CNTNAP4: variants seen among roughly 807,000 people sequenced by gnomAD.
CNTNAP4 encodes contactin associated protein family member 4.
CNTNAP4 carries 98 observed loss-of-function variants against 148.4 expected under a neutral mutation model. The ratio of observed to expected loss-of-function variants is 0.66; its 90% CI spans 0.56 to 0.78. CNTNAP4 has a LOEUF of 0.78. Ranked by LOEUF, CNTNAP4 falls within the 30% of genes least tolerant of loss-of-function variation. The pLI, the probability that CNTNAP4 is intolerant of heterozygous loss-of-function variation, is 0.00. For synonymous variants in CNTNAP4, 730 were observed against 565.1 expected (o/e 1.29, Z -4.14); for missense variants, 1,935 against 1,565.6 (o/e 1.24, Z -3.98).
chr16:76,281,522 C>G (rs545440108), intron 1 of CNTNAP4, among the ~76,000 whole-genome samples: 2 of 152,040 alleles, frequency 1.3e-5, no homozygotes, highest in East Asian at 3.9e-4. Context: ...TCACATAATA[C>G]CTGGTGCTTA....
At chr16:76,305,474 C>A (rs560495555) in intron 1 of CNTNAP4, among the ~76,000 whole-genome samples, 1 of 151,870 alleles carries the variant, frequency 6.6e-6, no homozygotes, top group Admixed American at 6.6e-5. Flanking sequence ...TTGAGTGCTA[C>A]GTAATTTATT....
rs557554708 is a variant in CNTNAP4, at chr16:76,284,254, A to G, written c.85+6507A>G. Among the ~76,000 whole-genome samples the G allele has an allele frequency of 2.0e-5, 3 of 152,046 alleles. No homozygotes were observed. The East Asian group carries it at 5.8e-4, about 29-fold the overall frequency. On this transcript the variant is annotated intron_variant, in intron 1 of 23. Transcript: ENST00000611870. ...TATGTTGTGGGTGGTGGTGGCATGC[A>G]AATTCTTATAAAATGTATGGATGAT...
intron 3 of CNTNAP4, among the ~76,000 whole-genome samples, chr16:76,357,962 T>C (rs544598714): frequency 2.0e-5 from 3 of 152,296 alleles, no homozygotes; most frequent in East Asian, 3.9e-4. Context: ...AATAAATGAA[T>C]GGATGTGAGT....
At chr16:76,453,781 C>T (rs2080613355) in intron 8 of CNTNAP4, among the ~76,000 whole-genome samples, 1 of 151,976 alleles carries the variant, frequency 6.6e-6, no homozygotes, top group South Asian at 2.1e-4. Flanking sequence ...TGCTGTACTA[C>T]TATTGTAGTT....
At chr16:76,420,284 T>TTA (rs1232591826) in intron 3 of CNTNAP4, among the ~76,000 whole-genome samples, 2 of 70,452 alleles carry the variant, frequency 2.8e-5, no homozygotes, top group Non-Finnish European at 8.0e-5. Context: ...GAGATAAATA[T>TTA]TAATTTCCCT....
chr16:76,355,289 T>C, intron 2 of CNTNAP4, 29 bp from the exon 3 acceptor site: 1 of 1,475,174 alleles, frequency 6.8e-7, no homozygotes, highest in Non-Finnish European at 9.0e-7. Context: ...CCTTTCTCAA[T>C]TTTCTCCTGT....
chr16:76,550,404 G>T (rs1444329111), intron 21 of CNTNAP4, among the ~76,000 whole-genome samples: 1 of 152,056 alleles, frequency 6.6e-6, no homozygotes, highest in Non-Finnish European at 1.5e-5. Context: ...GCGGTCATTG[G>T]TTTTTGTACA....
At chr16:76,339,690 G>C (rs1017297942) in intron 2 of CNTNAP4, among the ~76,000 whole-genome samples, 1 of 152,170 alleles carries the variant, frequency 6.6e-6, no homozygotes, top group African/African-American at 2.4e-5. Flanking sequence ...AGTTATCTCA[G>C]AATCTATCTA....
intron 1 of CNTNAP4, among the ~76,000 whole-genome samples, chr16:76,301,527 A>G (rs1202008582): frequency 1.3e-5 from 2 of 152,198 alleles, no homozygotes; most frequent in African/African-American, 4.8e-5. Context: ...ACAGTATGTG[A>G]ACTCATGTAT....
chr16:76,477,074 C>T (rs1008778800), intron 11 of CNTNAP4, among the ~76,000 whole-genome samples: 1 of 151,958 alleles, frequency 6.6e-6, no homozygotes, highest in African/African-American at 2.4e-5. Flanking sequence ...ATGCAACTTA[C>T]TTATAAAGAA....
chr16:76,371,443 C>T (rs1483361167), intron 3 of CNTNAP4, among the ~76,000 whole-genome samples: 2 of 152,076 alleles, frequency 1.3e-5, no homozygotes, highest in Middle Eastern at 3.4e-3. Context: ...GTGCCTCCCG[C>T]CTGGCTAATT....
At position 76,560,609 on chromosome 16, in the gene CNTNAP4, G is replaced by A. The variant is rs1224699942; in HGVS notation, c.*1926G>A. 3.3e-5 allele frequency among the ~76,000 whole-genome samples: 5 copies of A among 152,164 alleles called. No homozygotes were observed. Among genetic ancestry groups the A allele is most frequent in the Non-Finnish European group, 7.3e-5 (5 of 68,028 alleles). The stretch of plus-strand genomic sequence containing the variant: ...AGCTGAACTCTAGGGAGGTTTATTG[G>A]TGAAGCCTCACAGTCCTCTGTGGTC... On this transcript the variant is annotated 3_prime_UTR_variant, in exon 24 of 24. Transcript: ENST00000611870.
chr16:76,368,994 C>G (rs914743008), intron 3 of CNTNAP4, among the ~76,000 whole-genome samples: 1 of 150,320 alleles, frequency 6.7e-6, no homozygotes, highest in African/African-American at 2.4e-5. Flanking sequence ...ATGAAACTTT[C>G]TAAAAAACAG....
At chr16:76,536,163 C>T (rs1361137532) in intron 18 of CNTNAP4, among the ~76,000 whole-genome samples, 1 of 151,798 alleles carries the variant, frequency 6.6e-6, no homozygotes, top group African/African-American at 2.4e-5. Context: ...TGGGGCAATT[C>T]TTTATTTTAA....
chr16:76,435,451 C>T (rs1370620420), intron 4 of CNTNAP4, among the ~76,000 whole-genome samples: 2 of 152,146 alleles, frequency 1.3e-5, no homozygotes, highest in African/African-American at 4.8e-5. Flanking sequence ...CACTTGGTTC[C>T]TGCCACCTCA....
At chr16:76,335,547 A>G (rs1317815802) in intron 2 of CNTNAP4, among the ~76,000 whole-genome samples, 2 of 152,216 alleles carry the variant, frequency 1.3e-5, no homozygotes, top group East Asian at 3.9e-4. Flanking sequence ...GCAAGCAAGT[A>G]TAAAGAATCA....
chr16:76,284,408 T>A (rs573179168), intron 1 of CNTNAP4, among the ~76,000 whole-genome samples: 1 of 151,986 alleles, frequency 6.6e-6, no homozygotes, highest in South Asian at 2.1e-4. Flanking sequence ...AAGAAAAATC[T>A]CAGAAAGTGA....
In CNTNAP4 at chr16:76,277,646, GC is replaced by G. The variant is rs907189245; in HGVS notation, c.-14del. The G allele has an allele frequency of 1.3e-6, 2 of 1,573,764 alleles. No homozygotes were observed. The highest frequency in any genetic ancestry group is 2.7e-5 in the African/African-American group (2 of 74,170). ...GAGCCTCTCAAGATCTTTTGGGGGA[GC>G]CCAATAAATGTGAACATGGGATCTG... On this transcript the variant is annotated 5_prime_UTR_variant, in exon 1 of 24. Coordinates refer to ENST00000611870, the MANE Select transcript of CNTNAP4 (RefSeq NM_033401.5).
chr16:76,428,580 C>G (rs1451734903), intron 4 of CNTNAP4, among the ~76,000 whole-genome samples: 1 of 152,038 alleles, frequency 6.6e-6, no homozygotes, highest in African/African-American at 2.4e-5. Context: ...TTGAAGTTGT[C>G]TAAACTCTAT....
Sources: gnomAD v4.1 joint callset for allele counts (sites outside exome capture counted in the v4.1 genomes callset) on GRCh38, gnomAD v4.1.1 for gene constraint, MANE v1.5 for transcripts, NCBI Gene and HGNC (gene_info 2026-07-23, HGNC 2026-07-21) for gene names.